The following UBR7 variants were observed in gnomAD, a reference collection of about 807,000 sequenced individuals.
UBR7 encodes the protein putative E3 ubiquitin-protein ligase UBR7.
A neutral mutation model predicts 57.0 loss-of-function variants in UBR7; 22 were observed. That is an observed-to-expected ratio of 0.39 (90% CI 0.28 to 0.55). The LOEUF is 0.55. Ranked by LOEUF, UBR7 falls within the 20% of genes least tolerant of loss-of-function variation. The probability of loss-of-function intolerance (pLI) is 0.69; values close to 1 mark genes in which losing one functional copy is unlikely to be tolerated. For synonymous variants in UBR7, 167 were observed against 179.8 expected (o/e 0.93, Z 0.57); for missense variants, 395 against 513.2 (o/e 0.77, Z 2.23).
intron 10 of UBR7, chr14:93,223,624 T>C: frequency 7.4e-7 from 1 of 1,352,256 alleles, no homozygotes; most frequent in Non-Finnish European, 1.0e-6. Flanking sequence ...GGCCTCTTGG[T>C]GGTGAAGCGT....
At chr14:93,222,121 T>C (rs1419561271) in intron 9 of UBR7, among the ~76,000 whole-genome samples, 192 bp from the exon 10 acceptor site, 1 of 151,292 alleles carries the variant, frequency 6.6e-6, no homozygotes, top group Non-Finnish European at 1.5e-5. Flanking sequence ...TTTTTTTTAA[T>C]GAAAAAGGGT....
At position 93,218,709 on chromosome 14, in the gene UBR7, G is replaced by A. The variant is rs147422567; in HGVS notation, c.784G>A (p.Gly262Ser). 1.1e-3 allele frequency: 1,773 copies of A among 1,613,960 alleles called. 17 individuals carry two copies. The highest frequency in any genetic ancestry group is 3.5e-3 in the Middle Eastern group (21 of 6,060). The change falls in exon 7 of 11, where the codon GGC (glycine) becomes AGC (serine). Residue 262 changes from glycine to serine, a missense_variant. Coordinates refer to ENST00000013070, the MANE Select transcript of UBR7 (RefSeq NM_175748.4). Reference sequence around the variant, plus strand: ...AGAGCAGAACAGTGAACCATGTGCCGGCTCTAGTTCTGAATCTGATCTCCA... The same window carrying A: ...AGAGCAGAACAGTGAACCATGTGCCAGCTCTAGTTCTGAATCTGATCTCCA... Reference protein sequence around the residue: ...KVEQNSEPCAGSSSESDLQTV... With the variant: ...KVEQNSEPCASSSSESDLQTV...
chr14:93,227,164 CA>C lies in UBR7; in HGVS notation c.*130del, dbSNP rs1894873176. 1.4e-6 allele frequency: 1 copy of C among 702,668 alleles called. No individual in the cohort carries two copies. The highest frequency in any genetic ancestry group is 2.1e-5 in the Admixed American group (1 of 48,248). 43.5% of individuals were successfully genotyped at this position (702,668 alleles called of 1,614,324 possible). ...GTTTGGAGAGGCCTCGCGCTCCCTTCATTCTCTTTAGCTGCAGTAGCCACCG... is the reference window on the plus strand; with the variant it reads ...GTTTGGAGAGGCCTCGCGCTCCCTTCTTCTCTTTAGCTGCAGTAGCCACCG... On this transcript the variant is annotated 3_prime_UTR_variant, in exon 11 of 11. Transcript: ENST00000013070.
At chr14:93,222,509 CCAA>C in intron 10 of UBR7, 135 bp downstream of exon 10, 1 of 716,316 alleles carries the variant, frequency 1.4e-6, no homozygotes, top group South Asian at 1.5e-5. Flanking sequence ...CTTTGGGAGG[CCAA>C]TGTGGGTGGA....
rs770053699 is a variant in UBR7, at chr14:93,228,594, G to C, written c.*1559G>C. On this transcript the variant is annotated 3_prime_UTR_variant, in exon 11 of 11. Transcript: ENST00000013070. ...ATCCTCACGAAGGGTGGTATGTGGA[G>C]CTGGAAGGTCTTGTGGCCACAGGAC... 2.2e-5 allele frequency: 10 copies of C among 454,100 alleles called. No individual in the cohort carries two copies. Among genetic ancestry groups the C allele is most frequent in the South Asian group, 1.6e-4 (10 of 64,474 alleles). 28.1% of individuals were successfully genotyped at this position (454,100 alleles called of 1,614,324 possible). A position where few individuals can be genotyped will look rare whatever the true frequency, so the allele number is the denominator to read the frequency against.
At chr14:93,224,175 GT>G in intron 10 of UBR7, 1 of 581,572 alleles carries the variant, frequency 1.7e-6, no homozygotes, top group South Asian at 1.9e-5. Context: ...CCCGCAAAAG[GT>G]TAGGTCGTTT....
chr14:93,223,877 C>T (rs1284600703), intron 10 of UBR7: 8 of 738,864 alleles, frequency 1.1e-5, no homozygotes, highest in African/African-American at 3.4e-5. Flanking sequence ...GGCGCCGCTC[C>T]GGGAGTCATA....
Position 93,224,151 on chromosome 14 carries a change from C to T in UBR7, c.1185+1777C>T, listed in dbSNP as rs138210636. ...CCCGAGGCCTTCATGGCGTCCTCTC[C>T]GCGCTCGCCACCACCCGCAAAAGGT... On this transcript the variant is annotated intron_variant, in intron 10 of 10. Coordinates refer to ENST00000013070, the MANE Select transcript of UBR7 (RefSeq NM_175748.4). The T allele has an allele frequency of 1.5e-3, 964 of 642,066 alleles. 4 individuals are homozygous for T. Among genetic ancestry groups the T allele is most frequent in the African/African-American group, 0.014 (750 of 54,024 alleles). The allele number at this position is 642,066 out of a possible 1,614,324, so 39.8% of individuals were successfully genotyped here.
At chr14:93,215,521 T>C (rs1894573159) in intron 6 of UBR7, among the ~76,000 whole-genome samples, 2 of 151,892 alleles carry the variant, frequency 1.3e-5, no homozygotes, top group African/African-American at 4.8e-5. Context: ...AAACCCCATC[T>C]CTACTAAAAA....
chr14:93,211,648 A>AC (rs1358304289), intron 3 of UBR7, among the ~76,000 whole-genome samples: 1 of 152,028 alleles, frequency 6.6e-6, no homozygotes, highest in Admixed American at 6.6e-5. Context: ...AATGGCTTGA[A>AC]CCCAGACCAG....
intron 4 of UBR7, 92 bp from the exon 5 acceptor site, chr14:93,214,837 C>T: frequency 8.6e-7 from 1 of 1,162,968 alleles, no homozygotes; most frequent in Non-Finnish European, 1.3e-6. Flanking sequence ...TCATGTAGAA[C>T]AAATATTTAG....
At chr14:93,217,442 G>A (rs79404833) in intron 6 of UBR7, among the ~76,000 whole-genome samples, 3,204 of 152,024 alleles carry the variant, frequency 0.021, 117 homozygotes, top group African/African-American at 0.073. Context: ...CTCCCCTATC[G>A]TTTCTCTTCT....
chr14:93,228,671 CG>C lies in UBR7; in HGVS notation c.*1640del, dbSNP rs999257841. The C allele has an allele frequency of 4.4e-6, 2 of 453,920 alleles. No homozygotes were observed. Among genetic ancestry groups the C allele is most frequent in the African/African-American group, 2.0e-5 (1 of 49,982 alleles). The allele number at this position is 453,920 out of a possible 1,614,324, so 28.1% of individuals were successfully genotyped here. On this transcript the variant is annotated 3_prime_UTR_variant, in exon 11 of 11. Transcript: ENST00000013070. ...GTGCAGAGGGCTCCGTTCAAAGGCT[CG>C]GGGTGTCTTTGAGGTTGTTTATCAA...
intron 4 of UBR7, among the ~76,000 whole-genome samples, chr14:93,212,946 T>C (rs1894514150): frequency 1.3e-5 from 2 of 152,158 alleles, no homozygotes; most frequent in South Asian, 4.1e-4. Flanking sequence ...TGGATCGGTA[T>C]AATTGACGGA....
chr14:93,215,697 A>G (rs1261058622), intron 6 of UBR7, among the ~76,000 whole-genome samples: 1 of 151,678 alleles, frequency 6.6e-6, no homozygotes, highest in Admixed American at 6.6e-5. Flanking sequence ...CTCAAAAAAA[A>G]AAAAAAAAAA....
chr14:93,226,331 C>G (rs1280485593), intron 10 of UBR7, among the ~76,000 whole-genome samples: 1 of 152,108 alleles, frequency 6.6e-6, no homozygotes, highest in Non-Finnish European at 1.5e-5. Flanking sequence ...TCTTTCTTAA[C>G]AATAAGCATG....
At chr14:93,217,386 A>G (rs550431216) in intron 6 of UBR7, among the ~76,000 whole-genome samples, 1 of 152,248 alleles carries the variant, frequency 6.6e-6, no homozygotes, top group South Asian at 2.1e-4. Flanking sequence ...CCATCAGCAG[A>G]TGGCTTCATC....
chr14:93,211,999 C>A, intron 3 of UBR7, 33 bp from the exon 4 acceptor site: 1 of 1,470,208 alleles, frequency 6.8e-7, no homozygotes, highest in South Asian at 1.2e-5. Context: ...AAAATTAGAC[C>A]ATATTATTAT....
In UBR7 at chr14:93,216,610, T is replaced by C. The variant is rs548160791; in HGVS notation, c.601+1329T>C. Among the ~76,000 whole-genome samples the C allele has an allele frequency of 7.9e-5, 12 of 151,904 alleles. No individual in the cohort carries two copies. In the East Asian group the frequency reaches 2.1e-3, roughly 27 times the overall value. On this transcript the variant is annotated intron_variant, in intron 6 of 10. Transcript: ENST00000013070. The stretch of plus-strand genomic sequence containing the variant: ...TTAGATTTGCCTTAGAGTTCTTTTG[T>C]TTTTCTGCCTTTTTTTTTTTTTTGA...
Sources: gnomAD v4.1 joint callset for allele counts (sites outside exome capture counted in the v4.1 genomes callset) on GRCh38, gnomAD v4.1.1 for gene constraint, MANE v1.5 for transcripts, NCBI Gene and HGNC (gene_info 2026-07-23, HGNC 2026-07-21) for gene names.